PCDHGA4: variants seen among roughly 807,000 people sequenced by gnomAD.
The protein encoded by PCDHGA4 is protocadherin gamma-A4.
A neutral mutation model predicts 54.6 loss-of-function variants in PCDHGA4; 38 were observed. The ratio of observed to expected loss-of-function variants is 0.70; its 90% CI spans 0.54 to 0.91. The LOEUF (loss-of-function observed/expected upper bound fraction) is 0.91, where lower values mean the gene tolerates loss of function less well. PCDHGA4 is among the 40% of genes least tolerant of loss of function. The probability of loss-of-function intolerance (pLI) is 0.00; values close to 1 mark genes in which losing one functional copy is unlikely to be tolerated. For missense variants in PCDHGA4, 1,298 were observed against 1,220.9 expected (o/e 1.06, Z -0.94); for synonymous variants, 511 against 512.9 (o/e 1.00, Z 0.05).
At chr5:141,383,596 G>T in intron 1 of PCDHGA4, 1 of 1,613,702 alleles carries the variant, frequency 6.2e-7, no homozygotes, top group Non-Finnish European at 8.5e-7. Context: ...GGTGACAGTG[G>T]TGGATGTGAA....
Position 141,359,394 on chromosome 5 carries a change from C to G in PCDHGA4, c.2514+1773C>G, listed in dbSNP as rs141452272. ...CAGTAGATAATTTATAACCTAAAAT[C>G]AAATTTTTTAAAAAATGTGTTTTTG... On this transcript the variant is annotated intron_variant, in intron 1 of 3. Coordinates refer to ENST00000571252, the MANE Select transcript of PCDHGA4 (RefSeq NM_018917.4). Among the ~76,000 whole-genome samples the G allele has an allele frequency of 8.6e-5, 13 of 151,974 alleles. No homozygotes were observed. In the East Asian group the frequency reaches 2.3e-3, roughly 27 times the overall value.
chr5:141,413,559 T>A, intron 1 of PCDHGA4: 1 of 1,613,862 alleles, frequency 6.2e-7, no homozygotes. Flanking sequence ...TAGAAGTAAC[T>A]GATATCAATG....
chr5:141,364,666 CA>C (rs747851632), intron 1 of PCDHGA4: 66 of 1,614,024 alleles, frequency 4.1e-5, no homozygotes, highest in Non-Finnish European at 5.3e-5. Context: ...TGGTTGAGAA[CA>C]AAATGAAAAT....
chr5:141,431,700 TC>T lies in PCDHGA4; in HGVS notation c.2515-63106del. On this transcript the variant is annotated intron_variant, in intron 1 of 3. Coordinates refer to ENST00000571252, the MANE Select transcript of PCDHGA4 (RefSeq NM_018917.4). The surrounding 1 kb of genome is among the most constrained non-coding windows in gnomAD (Gnocchi z 4.8). ...GAGTTGGACCACGAGGAGTCAGGAT[TC>T]TACCAGATGGAAGTGCAAGCAATGG... 6.2e-7 allele frequency: 1 copy of T among 1,614,218 alleles called. No individual in the cohort carries two copies.
intron 1 of PCDHGA4, chr5:141,383,675 C>G: frequency 6.2e-7 from 1 of 1,614,006 alleles, no homozygotes; most frequent in Non-Finnish European, 8.5e-7. Flanking sequence ...CCAGTGGGTA[C>G]AAGACTGCTC....
chr5:141,414,078 T>C lies in PCDHGA4; in HGVS notation c.2514+56457T>C, dbSNP rs777190406. 3.1e-6 allele frequency: 5 copies of C among 1,603,326 alleles called. No individual in the cohort carries two copies. In the South Asian group the frequency reaches 4.5e-5, roughly 14 times the overall value. ...TGTTGAAGTTCCAACTAAACAAATA[T>C]ACTGGAGAAATAAAAATATCAGAAA... On this transcript the variant is annotated intron_variant, in intron 1 of 3. Transcript: ENST00000571252.
chr5:141,432,016 C>G lies in PCDHGA4; in HGVS notation c.2515-62791C>G. 1 of 1,614,202 alleles carries G rather than the reference C, an allele frequency of 6.2e-7. No individual in the cohort carries two copies. The highest frequency in any genetic ancestry group is 1.1e-5 in the South Asian group (1 of 91,082). ...ATAGGGAACAGGTTCCTAGCTACAACATCACAGTGACCGCCACTGACCGGG... is the reference window on the plus strand; with the variant it reads ...ATAGGGAACAGGTTCCTAGCTACAAGATCACAGTGACCGCCACTGACCGGG... On this transcript the variant is annotated intron_variant, in intron 1 of 3. Coordinates refer to ENST00000571252, the MANE Select transcript of PCDHGA4 (RefSeq NM_018917.4). The surrounding 1 kb of genome is among the most constrained non-coding windows in gnomAD (Gnocchi z 6.0).
intron 1 of PCDHGA4, chr5:141,385,141 G>T (rs1183220869): frequency 1.9e-6 from 3 of 1,614,202 alleles, no homozygotes; most frequent in Non-Finnish European, 2.5e-6. Context: ...CGGGGTGCAG[G>T]CTTTCCTGCA....
At chr5:141,422,781 A>C (rs746943605) in intron 1 of PCDHGA4, 13 of 1,613,964 alleles carry the variant, frequency 8.1e-6, no homozygotes, top group African/African-American at 1.3e-5. Flanking sequence ...TCTATGCCCT[A>C]CAATCCTTCG....
At chr5:141,391,398 A>G (rs924962931) in intron 1 of PCDHGA4, 11 of 151,014 alleles carry the variant, frequency 7.3e-5, no homozygotes, top group Middle Eastern at 3.4e-3. Flanking sequence ...CTCCAGCCTC[A>G]AACTCCTGGG....
chr5:141,427,628 G>A (rs1308356581), intron 1 of PCDHGA4: 2 of 700,966 alleles, frequency 2.9e-6, no homozygotes, highest in Admixed American at 2.0e-5. Flanking sequence ...ACAATGCTCC[G>A]GTTTTCCACC....
At chr5:141,498,520 A>T (rs1178141390) in intron 2 of PCDHGA4, among the ~76,000 whole-genome samples, 1 of 149,264 alleles carries the variant, frequency 6.7e-6, no homozygotes, top group Non-Finnish European at 1.5e-5. Flanking sequence ...CATCTTGCCC[A>T]CTGCCCTCCA....
intron 1 of PCDHGA4, chr5:141,422,554 G>A (rs753985751): frequency 1.2e-5 from 19 of 1,613,870 alleles, no homozygotes; most frequent in Non-Finnish European, 1.6e-5. Flanking sequence ...CTGGCTGAAT[G>A]TGGCAGATGA....
At chr5:141,388,195 T>C in intron 1 of PCDHGA4, 1 of 1,563,830 alleles carries the variant, frequency 6.4e-7, no homozygotes, top group Non-Finnish European at 8.8e-7. Flanking sequence ...GCTTGTGCTC[T>C]GGAATTTGAG....
At chr5:141,459,984 A>G (rs906041823) in intron 1 of PCDHGA4, among the ~76,000 whole-genome samples, 4 of 152,216 alleles carry the variant, frequency 2.6e-5, no homozygotes, top group Non-Finnish European at 5.9e-5. Flanking sequence ...AGGCTGAGAC[A>G]GGAGAATCGC....
intron 1 of PCDHGA4, chr5:141,440,247 T>C (rs1158469276): frequency 1.3e-5 from 2 of 152,296 alleles, no homozygotes; most frequent in Non-Finnish European, 2.9e-5. Context: ...GGCGAGCAGA[T>C]TACGAGGTCA....
At chr5:141,405,217 G>A in intron 1 of PCDHGA4, 9 of 1,614,024 alleles carry the variant, frequency 5.6e-6, no homozygotes, top group Non-Finnish European at 7.6e-6. Context: ...CCTATTCTCA[G>A]GAGTTCTCCC....
At chr5:141,402,812 C>A in intron 1 of PCDHGA4, 1 of 1,243,796 alleles carries the variant, frequency 8.0e-7, no homozygotes, top group Non-Finnish European at 1.1e-6. Flanking sequence ...GCAGATACCA[C>A]AAACCTGCTC....
intron 1 of PCDHGA4, chr5:141,413,581 A>T: frequency 1.9e-6 from 3 of 1,613,920 alleles, no homozygotes; most frequent in Non-Finnish European, 2.5e-6. Context: ...CAATGCTCCA[A>T]AATTCCAAGC....
Sources: gnomAD v4.1 joint callset for allele counts (sites outside exome capture counted in the v4.1 genomes callset) on GRCh38, gnomAD v4.1.1 for gene constraint, Gnocchi (gnomAD v3.1) non-coding constraint, MANE v1.5 for transcripts, NCBI Gene and HGNC (gene_info 2026-07-23, HGNC 2026-07-21) for gene names.